The following ZBTB38 variants were observed in gnomAD, a reference collection of about 807,000 sequenced individuals.
The protein encoded by ZBTB38 is zinc finger and BTB domain containing 38, also known as zinc finger and BTB domain-containing protein 38.
A neutral mutation model predicts 76.8 loss-of-function variants in ZBTB38; 20 were observed. The ratio of observed to expected loss-of-function variants is 0.26; its 90% CI spans 0.18 to 0.38. ZBTB38 has a LOEUF of 0.38. ZBTB38 is among the 10% of genes least tolerant of loss of function. ZBTB38 has a pLI of 1.00. For synonymous variants in ZBTB38, 504 were observed against 544.2 expected, an observed-to-expected ratio of 0.93 and a Z score of 1.03; for missense variants, 1,082 against 1,482.3, an observed-to-expected ratio of 0.73 and a Z score of 4.43.
intron 1 of ZBTB38, among the ~76,000 whole-genome samples, chr3:141,331,091 T>C (rs1942835307): frequency 6.6e-6 from 1 of 152,254 alleles, no homozygotes; most frequent in African/African-American, 2.4e-5. Flanking sequence ...AGCTCAAATA[T>C]TATTACTAGC....
intron 2 of ZBTB38, among the ~76,000 whole-genome samples, chr3:141,371,351 G>A (rs996962153): frequency 1.3e-5 from 2 of 151,536 alleles, no homozygotes; most frequent in Non-Finnish European, 2.9e-5. Context: ...GCGCCCAGCC[G>A]AGAAACTTTT....
At chr3:141,395,592 A>G (rs919502554) in intron 4 of ZBTB38, among the ~76,000 whole-genome samples, 4 of 152,196 alleles carry the variant, frequency 2.6e-5, no homozygotes, top group Non-Finnish European at 5.9e-5. Flanking sequence ...TTCAAAATAC[A>G]ATAATATATA....
intron 1 of ZBTB38, among the ~76,000 whole-genome samples, chr3:141,369,276 T>A (rs1944192086): frequency 6.6e-6 from 1 of 152,224 alleles, no homozygotes. Context: ...ATGACAGCCC[T>A]GGTAAAAAGA....
chr3:141,420,842 A>G (rs1045155638), intron 5 of ZBTB38, among the ~76,000 whole-genome samples: 7 of 152,164 alleles, frequency 4.6e-5, no homozygotes, highest in African/African-American at 1.7e-4. Flanking sequence ...TTAAGATAGA[A>G]TTGATGTTCT....
intron 1 of ZBTB38, among the ~76,000 whole-genome samples, chr3:141,351,659 G>T (rs149339060): frequency 6.7e-6 from 1 of 149,960 alleles, no homozygotes; most frequent in African/African-American, 2.5e-5. Context: ...CTTGAGCCTG[G>T]GAGTTAGCTG....
At chr3:141,418,161 T>C (rs750343023) in intron 5 of ZBTB38, among the ~76,000 whole-genome samples, 1 of 152,180 alleles carries the variant, frequency 6.6e-6, no homozygotes, top group Non-Finnish European at 1.5e-5. Flanking sequence ...GTGAGAACTA[T>C]GGGACTAGAG....
At chr3:141,367,450 G>A (rs1476722232), upstream of ZBTB38, 1 of 152,310 alleles carries the variant, frequency 6.6e-6, no homozygotes, top group African/African-American at 2.4e-5. Context: ...AAGGCATGAG[G>A]CCCATGTTGC....
intron 5 of ZBTB38, among the ~76,000 whole-genome samples, chr3:141,437,288 C>G (rs2079023054): frequency 6.6e-6 from 1 of 152,160 alleles, no homozygotes; most frequent in Non-Finnish European, 1.5e-5. Flanking sequence ...CTCCTCTTGT[C>G]CATATCTGCA....
intron 3 of ZBTB38, chr3:141,385,970 A>C (rs1227806929): frequency 6.6e-6 from 1 of 152,236 alleles, no homozygotes; most frequent in Non-Finnish European, 1.5e-5. Context: ...TCCTGATGTC[A>C]ATGTCATCAT....
chr3:141,445,237 A>G lies in ZBTB38; in HGVS notation c.2849A>G (p.His950Arg), dbSNP rs771198009. ...GAGCACGGAAACAGGAGCCCGAGCC[A>G]TAAATGTAAATACCCAGCAGAACTG... ...RKEHGNRSPS[H>R]KCKYPAELDC... Residue 950 changes from histidine to arginine, a missense_variant, in exon 6 of 6, where the codon CAT becomes CGT. Physicochemically the swap from His to Arg is conservative, Grantham distance 29 (BLOSUM62 0). This residue lies in a region of ZBTB38 where 471 missense variants were observed against 581.0 expected (regional missense o/e 0.81). Coordinates refer to ENST00000321464, the MANE Select transcript of ZBTB38 (RefSeq NM_001376113.1). This position sits in a 1 kb window ranked among gnomAD's most constrained non-coding sequence, Gnocchi z 6.5. 10 of 1,614,112 alleles carry G rather than the reference A, an allele frequency of 6.2e-6. No homozygotes were observed. The highest frequency in any genetic ancestry group is 1.6e-4 in the Middle Eastern group (1 of 6,084).
At chr3:141,329,216 G>A (rs1417616626) in intron 1 of ZBTB38, among the ~76,000 whole-genome samples, 2 of 152,206 alleles carry the variant, frequency 1.3e-5, no homozygotes, top group African/African-American at 2.4e-5. Flanking sequence ...ATAGTGCCCA[G>A]CACATGGCCA....
At chr3:141,369,767 T>A (rs2148996478) in intron 1 of ZBTB38, 105 bp from the exon 2 acceptor site, 1 of 152,376 alleles carries the variant, frequency 6.6e-6, no homozygotes, top group South Asian at 2.1e-4. Context: ...CAGTGGCATA[T>A]TCCTTTGTAA....
chr3:141,404,300 C>T (rs1437940704), intron 5 of ZBTB38, among the ~76,000 whole-genome samples: 1 of 152,198 alleles, frequency 6.6e-6, no homozygotes, highest in African/African-American at 2.4e-5. Flanking sequence ...TGTCTCTTCA[C>T]AGATCTCTAG....
At chr3:141,418,597 C>T (rs1234987702) in intron 5 of ZBTB38, among the ~76,000 whole-genome samples, 2 of 152,116 alleles carry the variant, frequency 1.3e-5, no homozygotes, top group Non-Finnish European at 2.9e-5. Context: ...TCAAAAAGGC[C>T]AAGGAGAGGA....
At chr3:141,354,833 G>GTGATGGGCACTGGGAGAA (rs1019993162) in intron 1 of ZBTB38, among the ~76,000 whole-genome samples, 1 of 151,802 alleles carries the variant, frequency 6.6e-6, no homozygotes, top group Non-Finnish European at 1.5e-5. Flanking sequence ...TGTTCCTCAG[G>GTGATGGGCACTGGGAGAA]TGATGGGCAC....
At chr3:141,327,092 A>AG (rs1360695037) in intron 1 of ZBTB38, among the ~76,000 whole-genome samples, 2 of 152,240 alleles carry the variant, frequency 1.3e-5, no homozygotes, top group Non-Finnish European at 2.9e-5. Context: ...CAGGCTCTAT[A>AG]GTTGACAGGC....
chr3:141,444,958 A>G lies in ZBTB38; in HGVS notation c.2570A>G (p.Lys857Arg), dbSNP rs903279723. 2 of 1,614,190 alleles carry G rather than the reference A, an allele frequency of 1.2e-6. No individual in the cohort carries two copies. The highest frequency in any genetic ancestry group is 1.7e-6 in the Non-Finnish European group (2 of 1,180,034). Reference protein sequence around the residue: ...AIVKRHILGSKLFYKRGRRPK... With the variant: ...AIVKRHILGSRLFYKRGRRPK... ...GTGAAAAGGCACATTCTAGGATCTA[A>G]ATTGTTTTATAAAAGAGGGAGAAGA... is the stretch of plus-strand genomic sequence containing the variant. Residue 857 changes from lysine to arginine, a missense_variant, in exon 6 of 6, where the codon AAA becomes AGA. Lys to Arg is a conservative substitution (Grantham distance 26). Around this residue, in one of 8 missense-constraint regions of ZBTB38, gnomAD observed 471 missense variants for 581.0 expected, o/e 0.81. Transcript: ENST00000321464. This position sits in a 1 kb window ranked among gnomAD's most constrained non-coding sequence, Gnocchi z 5.1.
chr3:141,431,621 A>G (rs895551993), intron 5 of ZBTB38: 1 of 151,842 alleles, frequency 6.6e-6, no homozygotes, highest in Non-Finnish European at 1.5e-5. Flanking sequence ...AACTGGGCCC[A>G]TTGCATCATT....
At chr3:141,334,451 T>TCC in intron 1 of ZBTB38, among the ~76,000 whole-genome samples, 1 of 126,176 alleles carries the variant, frequency 7.9e-6, no homozygotes, top group Non-Finnish European at 1.7e-5. Context: ...CTTCTTTCCT[T>TCC]TCTTCCTTCC....
Sources: allele counts gnomAD v4.1 joint callset (sites outside exome capture counted in the v4.1 genomes callset), GRCh38; gene constraint gnomAD v4.1.1; regional missense constraint gnomAD v4.1.1; non-coding constraint Gnocchi (gnomAD v3.1); transcripts MANE v1.5; gene names NCBI Gene and HGNC (gene_info 2026-07-23, HGNC 2026-07-21).